The following NKAIN2 variants were observed in gnomAD, a reference collection of about 807,000 sequenced individuals.
NKAIN2 encodes the protein sodium/potassium-transporting ATPase subunit beta-1-interacting protein 2.
Under a neutral mutation model 32.6 loss-of-function variants are expected in NKAIN2, and 14 were observed. The observed-to-expected ratio is 0.43, with a 90% CI of 0.28 to 0.67. The LOEUF is 0.67. Ranked by LOEUF, NKAIN2 falls within the 30% of genes least tolerant of loss-of-function variation. The probability of loss-of-function intolerance (pLI) is 0.17; values close to 1 mark genes in which losing one functional copy is unlikely to be tolerated. For missense variants in NKAIN2, 198 were observed against 258.3 expected, an observed-to-expected ratio of 0.77 and a Z score of 1.60; for synonymous variants, 80 against 87.2, an observed-to-expected ratio of 0.92 and a Z score of 0.46.
chr6:124,578,614 C>T (rs1466827636), intron 3 of NKAIN2, among the ~76,000 whole-genome samples: 2 of 152,120 alleles, frequency 1.3e-5, no homozygotes, highest in Admixed American at 6.5e-5. Flanking sequence ...TCCTGTATGG[C>T]ATCTCTGAAC....
chr6:123,871,848 T>G (rs1481508929), intron 1 of NKAIN2, among the ~76,000 whole-genome samples: 1 of 152,228 alleles, frequency 6.6e-6, no homozygotes, highest in East Asian at 1.9e-4. Context: ...GTATTTTAGT[T>G]GTAAAGTCAA....
chr6:124,325,230 A>G (rs1312725560), intron 2 of NKAIN2, among the ~76,000 whole-genome samples: 5 of 152,168 alleles, frequency 3.3e-5, no homozygotes, highest in Admixed American at 2.6e-4. Flanking sequence ...TAGATTTAAC[A>G]CTGATTCTAC....
chr6:124,375,179 GTCT>G (rs1212974057), intron 3 of NKAIN2, among the ~76,000 whole-genome samples: 1 of 151,808 alleles, frequency 6.6e-6, no homozygotes, highest in African/African-American at 2.4e-5. Flanking sequence ...CCTCAATAAG[GTCT>G]TCTTAGATTA....
intron 1 of NKAIN2, among the ~76,000 whole-genome samples, chr6:124,120,026 G>T (rs1323898408): frequency 1.3e-5 from 2 of 152,086 alleles, no homozygotes; most frequent in African/African-American, 4.8e-5. Flanking sequence ...TGTGATAAAT[G>T]AATTCTCTAG....
rs1012482852 is a variant in NKAIN2, at chr6:124,141,991, A to G, written c.55-141014A>G. Among the ~76,000 whole-genome samples the G allele has an allele frequency of 3.3e-5, 5 of 152,302 alleles. No individual in the cohort carries two copies. The South Asian group carries it at 8.3e-4, about 25-fold the overall frequency. The stretch of plus-strand genomic sequence containing the variant: ...GGTCTAGGCACTTTGCTCAGAAAAT[A>G]ATTTCCCATCCCATAGATGCCATGT... On this transcript the variant is annotated intron_variant, in intron 1 of 6. Coordinates refer to ENST00000368417, the MANE Select transcript of NKAIN2 (RefSeq NM_001040214.3).
At chr6:124,496,020 C>G (rs1348775037) in intron 3 of NKAIN2, among the ~76,000 whole-genome samples, 1 of 152,128 alleles carries the variant, frequency 6.6e-6, no homozygotes, top group Non-Finnish European at 1.5e-5. Context: ...AATTAAGATG[C>G]CGTGACAGCT....
intron 3 of NKAIN2, among the ~76,000 whole-genome samples, chr6:124,562,153 G>A (rs1000941415): frequency 1.3e-5 from 2 of 152,134 alleles, no homozygotes; most frequent in African/African-American, 4.8e-5. Flanking sequence ...TTAAATTTCA[G>A]GACTTGAAAA....
At chr6:124,279,904 A>G (rs1336551270) in intron 1 of NKAIN2, among the ~76,000 whole-genome samples, 2 of 152,138 alleles carry the variant, frequency 1.3e-5, no homozygotes, top group Admixed American at 6.5e-5. Context: ...ACAAATAAAA[A>G]CTTCATAAAG....
At chr6:123,975,279 T>C (rs1487088456) in intron 1 of NKAIN2, among the ~76,000 whole-genome samples, 1 of 152,162 alleles carries the variant, frequency 6.6e-6, no homozygotes, top group Non-Finnish European at 1.5e-5. Flanking sequence ...CTCAGGAAAT[T>C]CTCAATTTTT....
chr6:124,053,910 C>G (rs1387705703), intron 1 of NKAIN2, among the ~76,000 whole-genome samples: 1 of 151,832 alleles, frequency 6.6e-6, no homozygotes. Flanking sequence ...CTGGTGAGAA[C>G]AACAGTAAGA....
At chr6:124,237,616 A>C (rs1397379710) in intron 1 of NKAIN2, among the ~76,000 whole-genome samples, 1 of 152,146 alleles carries the variant, frequency 6.6e-6, no homozygotes, top group Non-Finnish European at 1.5e-5. Flanking sequence ...ATGTATTTTA[A>C]GAACAGCTTT....
chr6:124,275,396 C>T (rs1394456460), intron 1 of NKAIN2, among the ~76,000 whole-genome samples: 1 of 152,090 alleles, frequency 6.6e-6, no homozygotes, highest in Non-Finnish European at 1.5e-5. Flanking sequence ...AGAAAATGCA[C>T]TTCTTGTCTC....
intron 1 of NKAIN2, among the ~76,000 whole-genome samples, chr6:123,966,445 AC>A (rs1427025853): frequency 6.6e-6 from 1 of 152,110 alleles, no homozygotes; most frequent in Non-Finnish European, 1.5e-5. Context: ...CTGCCAAGGC[AC>A]CTTTTTATAG....
At chr6:124,823,100 G>T in intron 6 of NKAIN2, 120 bp from the exon 7 acceptor site, 1 of 780,600 alleles carries the variant, frequency 1.3e-6, no homozygotes, top group Non-Finnish European at 2.3e-6. Flanking sequence ...AACCCAATTT[G>T]GGCTTCTTTT....
intron 3 of NKAIN2, among the ~76,000 whole-genome samples, chr6:124,431,881 A>G (rs532982856): frequency 1.3e-5 from 2 of 152,302 alleles, no homozygotes; most frequent in South Asian, 2.1e-4. Flanking sequence ...AGCAACAACA[A>G]CAAAAAACAA....
chr6:124,619,977 A>G (rs1783047335), intron 3 of NKAIN2, among the ~76,000 whole-genome samples: 1 of 152,176 alleles, frequency 6.6e-6, no homozygotes, highest in Non-Finnish European at 1.5e-5. Flanking sequence ...TAAATAAGAC[A>G]GTGCCTGGTA....
chr6:124,257,764 T>C (rs1794017253), intron 1 of NKAIN2, among the ~76,000 whole-genome samples: 1 of 149,484 alleles, frequency 6.7e-6, no homozygotes, highest in Non-Finnish European at 1.5e-5. Context: ...ATTAATTCAT[T>C]TAATTTTTTT....
chr6:124,718,112 A>C (rs1237610643), intron 4 of NKAIN2, among the ~76,000 whole-genome samples: 1 of 152,158 alleles, frequency 6.6e-6, no homozygotes, highest in Admixed American at 6.5e-5. Context: ...ATTCACCAAA[A>C]CAAAGGTTGA....
intron 1 of NKAIN2, among the ~76,000 whole-genome samples, chr6:123,894,344 A>T (rs1003785431): frequency 6.6e-6 from 1 of 152,194 alleles, no homozygotes; most frequent in East Asian, 1.9e-4. Flanking sequence ...CTGAATCCTT[A>T]TAGGCTTTTG....
Sources: allele counts gnomAD v4.1 joint callset (sites outside exome capture counted in the v4.1 genomes callset), GRCh38; gene constraint gnomAD v4.1.1; transcripts MANE v1.5; gene names NCBI Gene and HGNC (gene_info 2026-07-23, HGNC 2026-07-21).